Variants in TBC1D5 observed in about 807,000 individuals in gnomAD.
The protein encoded by TBC1D5 is TBC1 domain family member 5.
Under a neutral mutation model 100.3 loss-of-function variants are expected in TBC1D5, and 75 were observed. The ratio of observed to expected loss-of-function variants is 0.75; its 90% confidence interval spans 0.62 to 0.91. The LOEUF is 0.91. Ranked by LOEUF, TBC1D5 falls within the 40% of genes least tolerant of loss-of-function variation. The pLI is 0.00. For synonymous variants in TBC1D5, 323 were observed against 325.6 expected (o/e 0.99, Z 0.09); for missense variants, 910 against 942.4 (o/e 0.97, Z 0.45).
At chr3:17,605,708 C>T (rs1439275850) in intron 2 of TBC1D5, among the ~76,000 whole-genome samples, 3 of 151,970 alleles carry the variant, frequency 2.0e-5, no homozygotes, top group Non-Finnish European at 4.4e-5. Flanking sequence ...AGGAAGCATA[C>T]CAGTAAATAT....
chr3:17,610,915 C>T (rs535478090), intron 2 of TBC1D5, among the ~76,000 whole-genome samples: 1 of 152,170 alleles, frequency 6.6e-6, no homozygotes, highest in South Asian at 2.1e-4. Flanking sequence ...GAGGCTGAGG[C>T]AGGAGAATGA....
chr3:17,714,909 G>A (rs914842759), intron 1 of TBC1D5, among the ~76,000 whole-genome samples: 1 of 152,098 alleles, frequency 6.6e-6, no homozygotes, highest in Non-Finnish European at 1.5e-5. Flanking sequence ...GGATCCTTCA[G>A]GACAAAAATT....
At chr3:17,566,466 T>C (rs1019921399) in intron 2 of TBC1D5, among the ~76,000 whole-genome samples, 8 of 152,050 alleles carry the variant, frequency 5.3e-5, no homozygotes, top group Non-Finnish European at 1.2e-4. Context: ...GGGATCCCCG[T>C]CTGGAGCAAA....
chr3:17,705,078 G>A (rs2073874099), intron 1 of TBC1D5, among the ~76,000 whole-genome samples: 2 of 132,436 alleles, frequency 1.5e-5, no homozygotes, highest in African/African-American at 5.5e-5. Flanking sequence ...CTCCCGGACG[G>A]CACGGCTGGC....
intron 2 of TBC1D5, among the ~76,000 whole-genome samples, chr3:17,552,997 G>A (rs143559271): frequency 5.9e-5 from 9 of 152,072 alleles, no homozygotes; most frequent in Admixed American, 5.2e-4. Flanking sequence ...TCCTGCCTGG[G>A]AGACAGAAAA....
At chr3:17,603,455 T>C (rs71312139) in intron 2 of TBC1D5, among the ~76,000 whole-genome samples, 51 of 152,248 alleles carry the variant, frequency 3.3e-4, no homozygotes, top group Non-Finnish European at 5.1e-4. Flanking sequence ...ACCAGTGCCA[T>C]GACAGTTTAC....
At chr3:17,289,781 G>GT (rs1180427294) in intron 15 of TBC1D5, among the ~76,000 whole-genome samples, 2 of 152,176 alleles carry the variant, frequency 1.3e-5, no homozygotes, top group African/African-American at 4.8e-5. Context: ...GAAGATGTTG[G>GT]TGGCAGAGCC....
At chr3:17,477,167 C>G (rs2095447467) in intron 3 of TBC1D5, among the ~76,000 whole-genome samples, 1 of 151,830 alleles carries the variant, frequency 6.6e-6, no homozygotes, top group Admixed American at 6.6e-5. Context: ...ATGACTTTTC[C>G]ACTTTGCTAA....
rs1470599168 is a variant in TBC1D5, at chr3:17,603,162, T to TGG, written c.-36+20686_-36+20687insCC. Among the ~76,000 whole-genome samples the TGG allele has an allele frequency of 3.2e-3, 481 of 151,422 alleles. 1 individual carries two copies. Among genetic ancestry groups the TGG allele is most frequent in the African/African-American group, 0.011 (455 of 41,310 alleles). On this transcript the variant is annotated intron_variant, in intron 2 of 21. Transcript: ENST00000253692. ...GATTCTTTAAGTTTTTTGGTTTTTT[T>TGG]TTTTTTTTTTTGAGACAGGGTCTTG...
At chr3:17,402,892 T>C (rs1393524203) in intron 8 of TBC1D5, among the ~76,000 whole-genome samples, 1 of 152,266 alleles carries the variant, frequency 6.6e-6, no homozygotes, top group African/African-American at 2.4e-5. Context: ...AATATAACCT[T>C]AAATATGACT....
intron 14 of TBC1D5, among the ~76,000 whole-genome samples, chr3:17,297,752 CTT>C (rs78233692): frequency 0.016 from 2,180 of 139,990 alleles, 42 homozygotes; most frequent in African/African-American, 0.052. Context: ...CTGGCTAATT[CTT>C]TTTTTTTTTT....
chr3:17,578,639 C>G (rs761632298), intron 2 of TBC1D5, among the ~76,000 whole-genome samples: 2 of 151,964 alleles, frequency 1.3e-5, no homozygotes, highest in Admixed American at 6.6e-5. Context: ...TGAACTTGAG[C>G]TGACAATCTC....
upstream of TBC1D5, among the ~76,000 whole-genome samples, chr3:17,742,163 T>TCGCCCTGCCCGCCCTGCC (rs539549030): frequency 6.6e-6 from 1 of 152,064 alleles, no homozygotes; most frequent in Admixed American, 6.5e-5. Context: ...CCCGCCCAGC[T>TCGCCCTGCCCGCCCTGCC]CGCCCTGCCC....
At chr3:17,476,314 T>A (rs1432366212) in intron 3 of TBC1D5, among the ~76,000 whole-genome samples, 1 of 152,014 alleles carries the variant, frequency 6.6e-6, no homozygotes, top group Non-Finnish European at 1.5e-5. Flanking sequence ...TTGGTATTGT[T>A]AGTAAGATGT....
At chr3:17,452,457 C>T (rs1427612880) in intron 3 of TBC1D5, among the ~76,000 whole-genome samples, 1 of 152,052 alleles carries the variant, frequency 6.6e-6, no homozygotes, top group Non-Finnish European at 1.5e-5. Flanking sequence ...TATAAGGATA[C>T]ATAGAGACTG....
At chr3:17,731,927 T>A (rs1274921657) in intron 1 of TBC1D5, among the ~76,000 whole-genome samples, 2 of 152,226 alleles carry the variant, frequency 1.3e-5, no homozygotes, top group South Asian at 2.1e-4. Context: ...CTAAACTGAG[T>A]TTCCTGTGAG....
chr3:17,167,701 C>T (rs1439680660), intron 20 of TBC1D5, 48 bp downstream of exon 21: 1 of 1,576,378 alleles, frequency 6.3e-7, no homozygotes, highest in South Asian at 1.1e-5. Flanking sequence ...GGGGCCCTCC[C>T]CGCGGCAGGC....
chr3:17,565,515 T>A (rs920551860), intron 2 of TBC1D5, among the ~76,000 whole-genome samples: 1 of 152,134 alleles, frequency 6.6e-6, no homozygotes, highest in East Asian at 1.9e-4. Context: ...CAAAGTGATA[T>A]GCCAGGAGCT....
intron 4 of TBC1D5, among the ~76,000 whole-genome samples, chr3:17,421,420 G>A (rs1341721334): frequency 6.6e-6 from 1 of 152,044 alleles, no homozygotes; most frequent in East Asian, 1.9e-4. Context: ...TATAAGAAGC[G>A]ATTATATAAA....
Sources: gnomAD v4.1 joint callset for allele counts (sites outside exome capture counted in the v4.1 genomes callset) on GRCh38, gnomAD v4.1.1 for gene constraint, MANE v1.5 for transcripts, NCBI Gene and HGNC (gene_info 2026-07-23, HGNC 2026-07-21) for gene names.